Variants in FNDC1 observed in about 807,000 individuals in gnomAD.
The protein encoded by FNDC1 is fibronectin type III domain containing 1.
In FNDC1, 96 loss-of-function variants were observed where a neutral mutation model predicts 168.0. The observed-to-expected ratio is 0.57, with a 90% confidence interval of 0.48 to 0.68. The LOEUF (loss-of-function observed/expected upper bound fraction) is 0.68. FNDC1 is among the 30% of genes least tolerant of loss of function. The pLI is 0.00. For synonymous variants in FNDC1, 1,099 were observed against 1,025.9 expected (o/e 1.07, Z -1.36); for missense variants, 2,587 against 2,482.1 (o/e 1.04, Z -0.90).
At chr6:159,221,486 A>G (rs1314774192) in intron 5 of FNDC1, 112 bp from the exon 6 acceptor site, 3 of 805,750 alleles carry the variant, frequency 3.7e-6, no homozygotes, top group East Asian at 2.6e-5. Context: ...GAAAGAGGAA[A>G]CGGAAAAAGG....
intron 4 of FNDC1, among the ~76,000 whole-genome samples, chr6:159,205,274 A>C (rs1782463227): frequency 6.6e-6 from 1 of 152,240 alleles, no homozygotes. Flanking sequence ...TCATGGGCAT[A>C]GCTACAGATT....
At chr6:159,240,976 G>A (rs113531717) in intron 14 of FNDC1, 2 of 152,222 alleles carry the variant, frequency 1.3e-5, no homozygotes, top group African/African-American at 4.8e-5. Context: ...AGCCCAATCA[G>A]TTTGAACATG....
At chr6:159,201,170 A>G (rs1157590940) in intron 4 of FNDC1, among the ~76,000 whole-genome samples, 2 of 152,244 alleles carry the variant, frequency 1.3e-5, no homozygotes, top group African/African-American at 4.8e-5. Flanking sequence ...TTGATGGTGA[A>G]AAAATAATGT....
chr6:159,262,897 C>T (rs1487329395), intron 19 of FNDC1, among the ~76,000 whole-genome samples: 2 of 152,230 alleles, frequency 1.3e-5, no homozygotes, highest in East Asian at 1.9e-4. Context: ...TTGCTCTGGT[C>T]ATCTTCCTTT....
At chr6:159,268,868 ACTGT>A (rs1310583956) in intron 22 of FNDC1, among the ~76,000 whole-genome samples, 3 of 142,608 alleles carry the variant, frequency 2.1e-5, no homozygotes, top group Non-Finnish European at 4.6e-5. Flanking sequence ...ATCTATCCAT[ACTGT>A]CTATCCTTAT....
In FNDC1 at chr6:159,236,286, A is replaced by T; in HGVS notation, c.4039A>T (p.Ile1347Phe). ...TAATGGAAAACCGAATGGACAGAGA[A>T]TTATCAATGGCCCTCAAGGAACAAA... Reference protein sequence around the residue: ...GSNGKPNGQRIINGPQGTKWV... With the variant: ...GSNGKPNGQRFINGPQGTKWV... Residue 1347 changes from isoleucine to phenylalanine, a missense_variant, in exon 12 of 23, where the codon ATT becomes TTT. Coordinates refer to ENST00000297267, the MANE Select transcript of FNDC1 (RefSeq NM_032532.3). The T allele has an allele frequency of 6.2e-7, 1 of 1,613,688 alleles. No individual in the cohort carries two copies. The highest frequency in any genetic ancestry group is 8.5e-7 in the Non-Finnish European group (1 of 1,179,690).
intron 1 of FNDC1, among the ~76,000 whole-genome samples, chr6:159,197,175 TA>T (rs1371187005): frequency 6.6e-6 from 1 of 152,224 alleles, no homozygotes; most frequent in Non-Finnish European, 1.5e-5. Context: ...GCCTAAAGTT[TA>T]TATTGATTTA....
At chr6:159,213,981 GA>G (rs1316813436) in intron 4 of FNDC1, among the ~76,000 whole-genome samples, 1 of 152,218 alleles carries the variant, frequency 6.6e-6, no homozygotes, top group Non-Finnish European at 1.5e-5. Context: ...TCTTAGTGTT[GA>G]AATGTTAGCC....
chr6:159,195,558 G>A (rs1307019358), intron 1 of FNDC1, among the ~76,000 whole-genome samples: 2 of 152,166 alleles, frequency 1.3e-5, no homozygotes, highest in Non-Finnish European at 2.9e-5. Flanking sequence ...GGGCTTTGGA[G>A]TTGGGCAAAG....
chr6:159,269,246 TATCC>T (rs1777666458), intron 22 of FNDC1, among the ~76,000 whole-genome samples: 2 of 103,964 alleles, frequency 1.9e-5, no homozygotes, highest in African/African-American at 4.8e-5. Flanking sequence ...TCTATCTATC[TATCC>T]ATCTATCATC....
intron 16 of FNDC1, among the ~76,000 whole-genome samples, chr6:159,250,730 G>A (rs1269976792): frequency 1.3e-5 from 2 of 152,210 alleles, no homozygotes; most frequent in Non-Finnish European, 1.5e-5. Context: ...GTAAATGTGA[G>A]TAGCTATTGT....
chr6:159,243,319 T>A (rs760148369), intron 14 of FNDC1: 4 of 152,166 alleles, frequency 2.6e-5, no homozygotes, highest in Admixed American at 1.3e-4. Context: ...GGAAAACAGA[T>A]CTTCCCCACC....
At chr6:159,268,821 C>CATCT (rs59375644) in intron 22 of FNDC1, among the ~76,000 whole-genome samples, 2,949 of 145,990 alleles carry the variant, frequency 0.02, 34 homozygotes, top group African/African-American at 0.043. Context: ...TCTATCTATT[C>CATCT]ATCTATCTAT....
intron 19 of FNDC1, among the ~76,000 whole-genome samples, chr6:159,263,538 G>A (rs558685486): frequency 7.9e-4 from 120 of 152,232 alleles, no homozygotes; most frequent in African/African-American, 2.5e-3. Flanking sequence ...CGAGTCAGGC[G>A]GATCACGAGG....
At chr6:159,264,865 C>G in intron 19 of FNDC1, 110 bp from the exon 20 acceptor site, 1 of 852,924 alleles carries the variant, frequency 1.2e-6, no homozygotes, top group Non-Finnish European at 1.8e-6. Flanking sequence ...CAAACCTTAT[C>G]TTTTTCTTTA....
chr6:159,209,769 A>C (rs1388735477), intron 4 of FNDC1, among the ~76,000 whole-genome samples: 1 of 152,206 alleles, frequency 6.6e-6, no homozygotes, highest in Non-Finnish European at 1.5e-5. Context: ...AGGGGAGATC[A>C]AGGTCCTTTC....
At chr6:159,210,926 G>A (rs1782589982) in intron 4 of FNDC1, among the ~76,000 whole-genome samples, 1 of 152,118 alleles carries the variant, frequency 6.6e-6, no homozygotes, top group South Asian at 2.1e-4. Context: ...TCTTCATCAG[G>A]AGTGCACAAA....
intron 14 of FNDC1, 54 bp from the exon 15 acceptor site, chr6:159,246,847 A>G: frequency 1.5e-6 from 2 of 1,302,666 alleles, no homozygotes; most frequent in African/African-American, 1.4e-5. Flanking sequence ...TGCTTCTGAG[A>G]GAACCCTGGA....
chr6:159,261,785 G>T (rs1451923842), intron 19 of FNDC1, among the ~76,000 whole-genome samples: 1 of 152,090 alleles, frequency 6.6e-6, no homozygotes, highest in Non-Finnish European at 1.5e-5. Flanking sequence ...GGTGCTGGTG[G>T]GCAGAGCTCT....
Sources: gnomAD v4.1 joint callset for allele counts (sites outside exome capture counted in the v4.1 genomes callset) on GRCh38, gnomAD v4.1.1 for gene constraint, MANE v1.5 for transcripts, NCBI Gene and HGNC (gene_info 2026-07-23, HGNC 2026-07-21) for gene names.